FBN1: variants seen among roughly 807,000 people sequenced by gnomAD.
FBN1 encodes the protein fibrillin-1.
In FBN1, 29 loss-of-function variants were observed where a neutral mutation model predicts 365.1. The ratio of observed to expected loss-of-function variants is 0.08; its 90% CI spans 0.06 to 0.11. The LOEUF (loss-of-function observed/expected upper bound fraction) is 0.11, where lower values mean the gene tolerates loss of function less well. Among genes scored for constraint, FBN1 ranks in the 10% least tolerant of loss-of-function variants. The pLI is 1.00. For synonymous variants in FBN1, 1,210 were observed against 1,270.5 expected, an observed-to-expected ratio of 0.95 and a Z score of 1.01; for missense variants, 2,476 against 3,703.2, an observed-to-expected ratio of 0.67 and a Z score of 8.60.
At chr15:48,459,155 A>T (rs2043263200) in intron 43 of FBN1, among the ~76,000 whole-genome samples, 1 of 152,222 alleles carries the variant, frequency 6.6e-6, no homozygotes, top group Admixed American at 6.5e-5. Context: ...GCTTACTGCC[A>T]AACTTGGAGG....
rs1411823150 is a variant in FBN1 at position 48,610,717 on chromosome 15, G to A, written c.346+11C>T. 6 of 1,594,378 alleles carry A rather than the reference G, an allele frequency of 3.8e-6. No homozygotes were observed. The highest frequency in any genetic ancestry group is 5.2e-6 in the Non-Finnish European group (6 of 1,162,308). Reference sequence around the variant, plus strand: ...AAAATAATATTATATATAATGACATGTTAGACTTACTGGATCTGGAGCCAC... The same window carrying A: ...AAAATAATATTATATATAATGACATATTAGACTTACTGGATCTGGAGCCAC... On this transcript the variant is annotated intron_variant, in intron 4 of 65. Transcript: ENST00000316623.
chr15:48,424,626 G>A (rs2042965254), intron 60 of FBN1, among the ~76,000 whole-genome samples: 1 of 152,136 alleles, frequency 6.6e-6, no homozygotes, highest in Non-Finnish European at 1.5e-5. Context: ...AAGTTTCATG[G>A]CATGACATGA....
chr15:48,530,962 T>A (rs2043966209), intron 8 of FBN1, among the ~76,000 whole-genome samples: 1 of 152,228 alleles, frequency 6.6e-6, no homozygotes, highest in Non-Finnish European at 1.5e-5. Context: ...AATCCCTTAA[T>A]TACGCTTTTT....
intron 2 of FBN1, among the ~76,000 whole-genome samples, chr15:48,636,277 T>C (rs1890088964): frequency 6.6e-6 from 1 of 152,176 alleles, no homozygotes; most frequent in Admixed American, 6.5e-5. Context: ...AAAGACCATG[T>C]AGAGAGGCCA....
intron 6 of FBN1, among the ~76,000 whole-genome samples, chr15:48,543,184 A>G (rs2141364881): frequency 6.6e-6 from 1 of 152,290 alleles, no homozygotes; most frequent in African/African-American, 2.4e-5. Context: ...GCAGTGTCCT[A>G]ATAGTTAGTA....
chr15:48,491,213 T>C (rs1662037908), intron 24 of FBN1, among the ~76,000 whole-genome samples: 1 of 152,252 alleles, frequency 6.6e-6, no homozygotes, highest in Admixed American at 6.5e-5. Context: ...AAAATACTTT[T>C]GGCTTTGAAT....
At chr15:48,535,570 T>G (rs1293408535) in intron 7 of FBN1, among the ~76,000 whole-genome samples, 4 of 152,250 alleles carry the variant, frequency 2.6e-5, no homozygotes, top group African/African-American at 9.6e-5. Flanking sequence ...AATGTATTCT[T>G]TTTGAAACCT....
chr15:48,615,648 G>C (rs1465952109), intron 2 of FBN1, among the ~76,000 whole-genome samples: 2 of 152,166 alleles, frequency 1.3e-5, no homozygotes, highest in Admixed American at 6.5e-5. Flanking sequence ...AGGTGTGGCA[G>C]TCAATAAAGC....
chr15:48,447,005 T>C (rs2043165335), intron 46 of FBN1, among the ~76,000 whole-genome samples, 183 bp from the exon 47 acceptor site: 1 of 152,160 alleles, frequency 6.6e-6, no homozygotes, highest in African/African-American at 2.4e-5. Context: ...GGCAAAGCTC[T>C]AAATCTTGGG....
At position 48,427,792 on chromosome 15, in the gene FBN1, G is replaced by A; in HGVS notation, c.6998-19C>T. On this transcript the variant is annotated intron_variant, in intron 57 of 65. Transcript: ENST00000316623. ...CGATTGTCTGGAAGGGACATTATAT[G>A]GCAAAGGGGATGTCAGGAAATTTTA... is the stretch of plus-strand genomic sequence containing the variant. 1.2e-6 allele frequency: 2 copies of A among 1,608,194 alleles called. No individual in the cohort carries two copies. The highest frequency in any genetic ancestry group is 1.7e-6 in the Non-Finnish European group (2 of 1,175,252).
chr15:48,615,246 T>C (rs1889629314), intron 2 of FBN1, among the ~76,000 whole-genome samples: 1 of 152,154 alleles, frequency 6.6e-6, no homozygotes, highest in Non-Finnish European at 1.5e-5. Flanking sequence ...TCCTGAGCCT[T>C]TGCAGGGTGC....
Position 48,636,742 on chromosome 15 carries a change from T to C in FBN1, c.164+7864A>G, listed in dbSNP as rs529175607. Among the ~76,000 whole-genome samples, 21 of 152,318 alleles carry C rather than the reference T, an allele frequency of 1.4e-4. 3 individuals are homozygous for C. In the South Asian group the frequency reaches 3.7e-3, roughly 27 times the overall value. ...GCCAGTGCCTGGTCACAGAACCAGA[T>C]GCATATGTGAAGAAGTCATACTGCC... On this transcript the variant is annotated intron_variant, in intron 2 of 65. Coordinates refer to ENST00000316623, the MANE Select transcript of FBN1 (RefSeq NM_000138.5).
At chr15:48,511,582 CTACTG>C (rs1165513282) in intron 13 of FBN1, among the ~76,000 whole-genome samples, 5 of 152,226 alleles carry the variant, frequency 3.3e-5, no homozygotes, top group Non-Finnish European at 5.9e-5. Flanking sequence ...AAGTTCTCCT[CTACTG>C]TGTTTCTGCC....
At position 48,516,379 on chromosome 15, in the gene FBN1, A is replaced by G. The variant is rs776336166; in HGVS notation, c.1148-17T>C. 2.5e-6 allele frequency: 4 copies of G among 1,612,816 alleles called. No homozygotes were observed. The South Asian group carries it at 3.3e-5, about 13-fold the overall frequency. ...TGAAATCCTCTAGAAAAACACAACA[A>G]AACAAAACACAACAGCTGAGCTGTA... On this transcript the variant is annotated splice_polypyrimidine_tract_variant and intron_variant, in intron 10 of 65. Coordinates refer to ENST00000316623, the MANE Select transcript of FBN1 (RefSeq NM_000138.5).
At chr15:48,442,789 T>C (rs963713029) in intron 49 of FBN1, among the ~76,000 whole-genome samples, 7 of 152,226 alleles carry the variant, frequency 4.6e-5, no homozygotes, top group Non-Finnish European at 8.8e-5. Context: ...TCACTTATCT[T>C]TCCTCCTGAC....
intron 6 of FBN1, among the ~76,000 whole-genome samples, chr15:48,583,624 T>C (rs2044413855): frequency 4.6e-5 from 7 of 152,238 alleles, no homozygotes; most frequent in Admixed American, 4.6e-4. Context: ...GTTATTGGCC[T>C]TTTCTGAATA....
In FBN1 at chr15:48,441,830, G is replaced by T; in HGVS notation, c.6054C>A (p.Val2018=). The change falls in exon 50 of 66, where the codon GTC becomes GTA. Residue 2018 remains valine (V), a synonymous_variant. Coordinates refer to ENST00000316623, the MANE Select transcript of FBN1 (RefSeq NM_000138.5). Reference sequence around the variant, plus strand: ...CCAGGGCACAAATTTCTGGCTCTTCGACACACTCATCAATATCTAAAAGAA... The same window carrying T: ...CCAGGGCACAAATTTCTGGCTCTTCTACACACTCATCAATATCTAAAAGAA... ...NEKCEDIDEC[V]EEPEICALGT... The T allele has an allele frequency of 6.2e-7, 1 of 1,613,402 alleles. No individual in the cohort carries two copies. Among genetic ancestry groups the T allele is most frequent in the South Asian group, 1.1e-5 (1 of 91,052 alleles).
intron 65 of FBN1, among the ~76,000 whole-genome samples, chr15:48,412,204 C>G (rs994797691): frequency 3.9e-5 from 6 of 152,244 alleles, no homozygotes; most frequent in Non-Finnish European, 2.9e-5. Context: ...GAGCCTCTAG[C>G]TTTCAGAACT....
At chr15:48,538,316 G>C (rs137978553) in intron 6 of FBN1, among the ~76,000 whole-genome samples, 2 of 152,250 alleles carry the variant, frequency 1.3e-5, no homozygotes, top group Admixed American at 1.3e-4. Context: ...TTCTTCCTGG[G>C]AGTTCCTTCA....
Sources: gnomAD v4.1 joint callset for allele counts (sites outside exome capture counted in the v4.1 genomes callset) on GRCh38, gnomAD v4.1.1 for gene constraint, MANE v1.5 for transcripts, NCBI Gene and HGNC (gene_info 2026-07-23, HGNC 2026-07-21) for gene names.